The following PRRC2C variants were observed in gnomAD, a reference collection of about 807,000 sequenced individuals.
PRRC2C encodes the protein proline rich coiled-coil 2C.
PRRC2C carries 72 observed loss-of-function variants against 317.2 expected under a neutral mutation model. That is an observed-to-expected ratio of 0.23 (90% CI 0.19 to 0.28). The LOEUF is 0.28. Among genes scored for constraint, PRRC2C ranks in the 10% least tolerant of loss-of-function variants. The probability of loss-of-function intolerance (pLI) is 1.00; values close to 1 mark genes in which losing one functional copy is unlikely to be tolerated. For missense variants in PRRC2C, 3,074 were observed against 3,459.7 expected (o/e 0.89, Z 2.80); for synonymous variants, 1,296 against 1,205.9 (o/e 1.07, Z -1.55).
At chr1:171,552,462 C>G (rs1680449736) in intron 18 of PRRC2C, among the ~76,000 whole-genome samples, 1 of 152,186 alleles carries the variant, frequency 6.6e-6, no homozygotes, top group Non-Finnish European at 1.5e-5. Context: ...ATTTATTTCT[C>G]TTCCCTGATT....
intron 1 of PRRC2C, among the ~76,000 whole-genome samples, chr1:171,508,908 A>T (rs1670766106): frequency 6.6e-6 from 1 of 151,022 alleles, no homozygotes; most frequent in East Asian, 1.9e-4. Context: ...TTTTTTTGAG[A>T]CAGAGTCTTG....
intron 28 of PRRC2C, 44 bp from the exon 29 acceptor site, chr1:171,583,912 T>C (rs763643939): frequency 3.3e-6 from 5 of 1,516,260 alleles, no homozygotes; most frequent in South Asian, 1.2e-5. Context: ...AGATTCCAGA[T>C]GAAATTAACT....
chr1:171,535,502 G>A lies in PRRC2C; in HGVS notation c.1948G>A (p.Glu650Lys), dbSNP rs1479898505. 2 of 1,613,900 alleles carry A rather than the reference G, an allele frequency of 1.2e-6. No individual in the cohort carries two copies. The highest frequency in any genetic ancestry group is 2.7e-5 in the African/African-American group (2 of 74,924). The change falls in exon 13 of 35, where the codon GAA becomes AAA. Residue 650 changes from glutamate to lysine, a missense_variant. By Grantham distance (56) the Glu-to-Lys change is moderately conservative. This residue lies in a region of PRRC2C where 1,320 missense variants were observed against 1,395.7 expected (regional missense o/e 0.95). Transcript: ENST00000647382. ...AGCCACACCAGTGGTGCATGAAACA[G>A]AACCAGAATCAGGGTCTCAACCTCG... ...KEATPVVHET[E>K]PESGSQPRPA...
intron 24 of PRRC2C, among the ~76,000 whole-genome samples, chr1:171,572,444 TTC>T (rs1684940811): frequency 1.3e-5 from 2 of 152,228 alleles, no homozygotes; most frequent in South Asian, 2.1e-4. Flanking sequence ...AACTTTGTTG[TTC>T]TACAGTGTGG....
At chr1:171,517,480 T>C in intron 5 of PRRC2C, 111 bp from the exon 6 acceptor site, 1 of 991,906 alleles carries the variant, frequency 1.0e-6, no homozygotes, top group South Asian at 1.7e-5. Context: ...AGACTTTTCC[T>C]GCTCTTTCAC....
In PRRC2C at chr1:171,514,586, C is replaced by G. The variant is rs142904319; in HGVS notation, c.341C>G (p.Pro114Arg). The G allele has an allele frequency of 1.0e-5, 16 of 1,561,440 alleles. No homozygotes were observed. The highest frequency in any genetic ancestry group is 2.7e-5 in the African/African-American group (2 of 73,278). ...CCAAAACCTGGGGTTGCAGCTCCCC[C>G]AGAAGTAGCACCTGCTCCCAAATCA... ...AQPKPGVAAP[P>R]EVAPAPKSWA... Residue 114 changes from proline to arginine, a missense_variant, in exon 4 of 35, where the codon CCA becomes CGA. Physicochemically the swap from Pro to Arg is moderately radical, Grantham distance 103 (BLOSUM62 -2). This residue lies in a region of PRRC2C where 237 missense variants were observed against 199.5 expected (regional missense o/e 1.19). Transcript: ENST00000647382.
intron 17 of PRRC2C, among the ~76,000 whole-genome samples, chr1:171,546,609 G>T (rs941982783): frequency 6.6e-6 from 1 of 152,050 alleles, no homozygotes; most frequent in African/African-American, 2.4e-5. Context: ...TTGTTTGTTT[G>T]TTTGTTTTGA....
At chr1:171,506,758 G>A (rs530669709) in intron 1 of PRRC2C, among the ~76,000 whole-genome samples, 1 of 150,116 alleles carries the variant, frequency 6.7e-6, no homozygotes, top group Non-Finnish European at 1.5e-5. Context: ...ATAAAGGGTT[G>A]CAGCCTGCAG....
intron 30 of PRRC2C, among the ~76,000 whole-genome samples, chr1:171,586,720 A>C (rs1650113882): frequency 6.6e-6 from 1 of 151,202 alleles, no homozygotes; most frequent in Admixed American, 6.6e-5. Context: ...AGCTGAGACT[A>C]CAGGCACATG....
At chr1:171,489,433 GT>G (rs2102014713) in intron 1 of PRRC2C, among the ~76,000 whole-genome samples, 1 of 152,260 alleles carries the variant, frequency 6.6e-6, no homozygotes, top group African/African-American at 2.4e-5. Context: ...AATGTTAAAA[GT>G]TATCTTGTAG....
intron 10 of PRRC2C, among the ~76,000 whole-genome samples, chr1:171,526,481 T>C (rs1674589428): frequency 6.6e-6 from 1 of 151,778 alleles, no homozygotes; most frequent in South Asian, 2.1e-4. Context: ...GGGACTACAG[T>C]GGTGCACCAC....
chr1:171,507,563 A>G (rs1218915891), intron 1 of PRRC2C, among the ~76,000 whole-genome samples: 1 of 152,106 alleles, frequency 6.6e-6, no homozygotes, highest in Non-Finnish European at 1.5e-5. Flanking sequence ...GTGAGCTGAG[A>G]TTGCATTACT....
chr1:171,514,690 C>T (rs1672012687), intron 4 of PRRC2C, 45 bp downstream of exon 4: 1 of 1,468,514 alleles, frequency 6.8e-7, no homozygotes, highest in Admixed American at 2.0e-5. Flanking sequence ...TTGATAGTTA[C>T]TGAACAGCCA....
intron 1 of PRRC2C, among the ~76,000 whole-genome samples, chr1:171,502,318 C>G (rs1244525336): frequency 6.6e-6 from 1 of 152,184 alleles, no homozygotes; most frequent in African/African-American, 2.4e-5. Flanking sequence ...CCAGGCCTGG[C>G]CCAAGAAATT....
At position 171,532,569 on chromosome 1, in the gene PRRC2C, TTGGCATCC is replaced by T; in HGVS notation, c.1485_1492del (p.Ile496LysfsTer9). On this transcript the variant is annotated frameshift_variant, in exon 12 of 35. Transcript: ENST00000647382. LOFTEE classifies it high-confidence loss of function. ...AAACTGAAACGATTGGATGAGAAGC[TTGGCATCC>T]TGGAAAAACAACCATCTCCAGAGGA... is the stretch of plus-strand genomic sequence containing the variant. 6.4e-7 allele frequency: 1 copy of T among 1,571,982 alleles called. No individual in the cohort carries two copies. Among genetic ancestry groups the T allele is most frequent in the Non-Finnish European group, 8.6e-7 (1 of 1,158,612 alleles).
chr1:171,529,159 ATTCC>A (rs1253300099), intron 11 of PRRC2C, among the ~76,000 whole-genome samples: 2 of 151,958 alleles, frequency 1.3e-5, no homozygotes, highest in African/African-American at 4.8e-5. Flanking sequence ...TTTGCTTTCT[ATTCC>A]TTCTGGGCCT....
intron 11 of PRRC2C, 116 bp from the exon 12 acceptor site, chr1:171,532,223 GTGTA>G: frequency 2.0e-6 from 2 of 1,012,644 alleles, no homozygotes; most frequent in Non-Finnish European, 1.4e-6. Context: ...TCATTTTAAT[GTGTA>G]TGTTCATCAG....
chr1:171,521,556 A>C (rs956425233), intron 6 of PRRC2C, among the ~76,000 whole-genome samples: 15 of 151,940 alleles, frequency 9.9e-5, no homozygotes, highest in African/African-American at 3.6e-4. Context: ...TTTCCAACTC[A>C]CTTCCTTGGA....
chr1:171,515,666 TG>T (rs1336723884), intron 4 of PRRC2C, 67 bp from the exon 5 acceptor site: 2 of 1,289,926 alleles, frequency 1.6e-6, no homozygotes, highest in Non-Finnish European at 1.1e-6. Flanking sequence ...AGCTCTATCC[TG>T]GGAGGGTGGT....
Sources: allele counts gnomAD v4.1 joint callset (sites outside exome capture counted in the v4.1 genomes callset), GRCh38; gene constraint gnomAD v4.1.1; regional missense constraint gnomAD v4.1.1; transcripts MANE v1.5; gene names NCBI Gene and HGNC (gene_info 2026-07-23, HGNC 2026-07-21).